ANO6: variants seen among roughly 807,000 people sequenced by gnomAD.
ANO6 encodes anoctamin-6.
Under a neutral mutation model 117.5 loss-of-function variants are expected in ANO6, and 106 were observed. The observed-to-expected ratio is 0.90, with a 90% CI of 0.77 to 1.06. The LOEUF is 1.06. ANO6 is among the 50% of genes least tolerant of loss of function. The pLI is 0.00. For missense variants in ANO6, 955 were observed against 1,121.1 expected (o/e 0.85, Z 2.12); for synonymous variants, 367 against 385.1 (o/e 0.95, Z 0.55).
intron 9 of ANO6, among the ~76,000 whole-genome samples, chr12:45,374,759 CA>C (rs1941954793): frequency 6.6e-6 from 1 of 151,294 alleles, no homozygotes; most frequent in Non-Finnish European, 1.5e-5. Context: ...ACTGAATGGG[CA>C]AAAACTGGAA....
chr12:45,218,530 G>A (rs1018817451), intron 1 of ANO6, among the ~76,000 whole-genome samples: 3 of 151,798 alleles, frequency 2.0e-5, no homozygotes, highest in African/African-American at 7.3e-5. Flanking sequence ...AAGTAGCTGG[G>A]ACTTTAGGCA....
chr12:45,403,873 A>G (rs946164795), intron 15 of ANO6, among the ~76,000 whole-genome samples: 1 of 152,142 alleles, frequency 6.6e-6, no homozygotes, highest in African/African-American at 2.4e-5. Flanking sequence ...GTATTTCCAC[A>G]ATTTCTTATA....
At chr12:45,316,345 T>C (rs920472316) in intron 2 of ANO6, among the ~76,000 whole-genome samples, 1 of 151,862 alleles carries the variant, frequency 6.6e-6, no homozygotes, top group Non-Finnish European at 1.5e-5. Context: ...TAAGGAGAAG[T>C]ATAAGGTGTG....
chr12:45,350,685 TC>T lies in ANO6; in HGVS notation c.777del (p.Ser260AlafsTer56), dbSNP rs766691415. ...DCKFRRQSED[P>X]SCPNERYLLY... ...GCAAATTCCGCCGTCAGTCAGAGGA[TC>T]CCAGCTGCCCTAATGAACGGTACCT... On this transcript the variant is annotated frameshift_variant, in exon 7 of 20. Transcript: ENST00000320560. LOFTEE classifies it high-confidence loss of function. The T allele has an allele frequency of 6.2e-7, 1 of 1,613,804 alleles. No homozygotes were observed. Among genetic ancestry groups the T allele is most frequent in the Non-Finnish European group, 8.5e-7 (1 of 1,179,796 alleles).
rs1941886080 is a variant in ANO6 at position 45,372,868 on chromosome 12, CT to C, written c.1104+5078del. ...TCAAATTCACACATAACAATATTAA[CT>C]TTAAATGTCAATGGACTAAATGCTC... On this transcript the variant is annotated intron_variant, in intron 9 of 19. Transcript: ENST00000320560. Among the ~76,000 whole-genome samples, 4 of 152,282 alleles carry C rather than the reference CT, an allele frequency of 2.6e-5. No homozygotes were observed. In the South Asian group the frequency reaches 8.3e-4, roughly 32 times the overall value.
intron 15 of ANO6, among the ~76,000 whole-genome samples, chr12:45,407,833 A>AT (rs1441154929): frequency 9.2e-5 from 14 of 151,986 alleles, no homozygotes; most frequent in African/African-American, 1.5e-4. Context: ...ACCCCGTTTT[A>AT]TTTTTTTACC....
chr12:45,292,926 G>A (rs1296750768), intron 1 of ANO6: 1 of 1,551,400 alleles, frequency 6.4e-7, no homozygotes, highest in South Asian at 1.2e-5. Context: ...GGAATGTTTT[G>A]TGCTGCTGGT....
At position 45,390,420 on chromosome 12, in the gene ANO6, GGAA is replaced by G; in HGVS notation, c.1315_1317del (p.Glu439del). The G allele has an allele frequency of 1.2e-6, 2 of 1,613,296 alleles. No homozygotes were observed. The highest frequency in any genetic ancestry group is 2.2e-5 in the East Asian group (1 of 44,860). ...CTAAACTTTTTTGTTTTTGTAATTA[GGAA>G]GAAGAACGCATTCCCTTTACTGCCT... On this transcript the variant is annotated inframe_deletion and splice_region_variant, in exon 12 of 20. Transcript: ENST00000320560.
chr12:45,332,300 T>C (rs1460605442), intron 3 of ANO6, among the ~76,000 whole-genome samples: 1 of 107,986 alleles, frequency 9.3e-6, no homozygotes, highest in African/African-American at 3.5e-5. Context: ...CTGTTCTCTC[T>C]CTCTCTCTCT....
At chr12:45,332,308 TCTCACACA>T (rs1565697076) in intron 3 of ANO6, among the ~76,000 whole-genome samples, 2 of 148,238 alleles carry the variant, frequency 1.3e-5, no homozygotes, top group African/African-American at 2.5e-5. Context: ...TCTCTCTCTC[TCTCACACA>T]CACACACACA....
At position 45,272,099 on chromosome 12, in the gene ANO6, G is replaced by A. The variant is rs187002484; in HGVS notation, c.71-29915G>A. ...ATTTAGTTGGAGGTAAATATAAAAC[G>A]TTTTTATATTAAATAACTTTTATTG... On this transcript the variant is annotated intron_variant, in intron 1 of 19. Transcript: ENST00000320560. 2.3e-4 allele frequency among the ~76,000 whole-genome samples: 35 copies of A among 151,526 alleles called. No homozygotes were observed. The East Asian group carries it at 3.3e-3, about 14-fold the overall frequency.
intron 1 of ANO6, among the ~76,000 whole-genome samples, chr12:45,244,432 A>G (rs1307591831): frequency 1.4e-5 from 2 of 145,738 alleles, no homozygotes; most frequent in African/African-American, 2.6e-5. Context: ...GTGGATCTGC[A>G]TGGGTGGGCC....
intron 2 of ANO6, among the ~76,000 whole-genome samples, chr12:45,327,801 C>G (rs1302432425): frequency 6.6e-6 from 1 of 151,780 alleles, no homozygotes; most frequent in African/African-American, 2.4e-5. Flanking sequence ...ATTTTTGGAT[C>G]TTCAGAATTT....
chr12:45,368,770 A>G (rs1037851335), intron 9 of ANO6, among the ~76,000 whole-genome samples: 6 of 152,226 alleles, frequency 3.9e-5, no homozygotes, highest in African/African-American at 1.4e-4. Flanking sequence ...AGCCTACTCC[A>G]TGTAAGTCAG....
chr12:45,398,033 G>A (rs1176297374), intron 12 of ANO6, among the ~76,000 whole-genome samples: 3 of 151,720 alleles, frequency 2.0e-5, no homozygotes, highest in Non-Finnish European at 2.9e-5. Context: ...AAGTAAAAAC[G>A]TTTTCTAAAT....
chr12:45,319,805 G>T (rs979621025), intron 2 of ANO6, among the ~76,000 whole-genome samples: 1 of 152,130 alleles, frequency 6.6e-6, no homozygotes, highest in South Asian at 2.1e-4. Flanking sequence ...TCCTGTTATT[G>T]ATCTATTGAG....
At chr12:45,236,333 C>T (rs921185683) in intron 1 of ANO6, among the ~76,000 whole-genome samples, 50 of 152,132 alleles carry the variant, frequency 3.3e-4, no homozygotes, top group African/African-American at 1.1e-3. Context: ...CTGCACCTAT[C>T]AACTCATCAT....
At chr12:45,270,068 G>A (rs1938345527) in intron 1 of ANO6, among the ~76,000 whole-genome samples, 1 of 152,100 alleles carries the variant, frequency 6.6e-6, no homozygotes, top group African/African-American at 2.4e-5. Flanking sequence ...GTGCACCAGG[G>A]GTAGTGAACC....
chr12:45,420,357 G>A (rs994544023), intron 17 of ANO6, among the ~76,000 whole-genome samples: 4 of 152,090 alleles, frequency 2.6e-5, no homozygotes, highest in South Asian at 2.1e-4. Flanking sequence ...TCAGTGGCTC[G>A]TACCTATAAT....
Sources: allele counts gnomAD v4.1 joint callset (sites outside exome capture counted in the v4.1 genomes callset), GRCh38; gene constraint gnomAD v4.1.1; transcripts MANE v1.5; gene names NCBI Gene and HGNC (gene_info 2026-07-23, HGNC 2026-07-21).